TIAM2: variants seen among roughly 807,000 people sequenced by gnomAD.
TIAM2 encodes rho guanine nucleotide exchange factor TIAM2.
Under a neutral mutation model 152.9 loss-of-function variants are expected in TIAM2, and 80 were observed. That is an observed-to-expected ratio of 0.52 (90% CI 0.44 to 0.63). The LOEUF (loss-of-function observed/expected upper bound fraction) is 0.63, where lower values mean the gene tolerates loss of function less well. Among genes scored for constraint, TIAM2 ranks in the 30% least tolerant of loss-of-function variants. The probability of loss-of-function intolerance (pLI) is 0.00; values close to 1 mark genes in which losing one functional copy is unlikely to be tolerated. For missense variants in TIAM2, 1,965 were observed against 2,120.1 expected, an observed-to-expected ratio of 0.93 and a Z score of 1.44; for synonymous variants, 804 against 838.0, an observed-to-expected ratio of 0.96 and a Z score of 0.70.
chr6:154,997,568 C>T (rs1335517707), intron 1 of TIAM2, among the ~76,000 whole-genome samples: 1 of 149,780 alleles, frequency 6.7e-6, no homozygotes, highest in Non-Finnish European at 1.5e-5. Context: ...ATCACTTCAA[C>T]TGATGTAATA....
intron 2 of TIAM2, among the ~76,000 whole-genome samples, chr6:155,104,748 C>G (rs1778643294): frequency 1.6e-5 from 2 of 123,762 alleles, no homozygotes; most frequent in Admixed American, 8.7e-5. Flanking sequence ...CAGAGAGAGA[C>G]TCTGTCTCAA....
intron 1 of TIAM2, among the ~76,000 whole-genome samples, chr6:155,021,572 T>G (rs1056362266): frequency 4.6e-5 from 7 of 152,150 alleles, no homozygotes; most frequent in Non-Finnish European, 1.0e-4. Context: ...AGAATTCTAT[T>G]TTTAATTCTT....
rs1423646647 is a variant in TIAM2 at position 155,213,557 on chromosome 6, C to T, written c.3168+2250C>T. On this transcript the variant is annotated intron_variant, in intron 15 of 26. Transcript: ENST00000682666. The surrounding 1 kb of genome is among the most constrained non-coding windows in gnomAD (Gnocchi z 4.2). Reference sequence around the variant, plus strand: ...CCATGAGCAGACCCAGAAAAAGCTCCATAAGTTCCCACTCTGGTCTGTGGG... The same window carrying T: ...CCATGAGCAGACCCAGAAAAAGCTCTATAAGTTCCCACTCTGGTCTGTGGG... 1.3e-5 allele frequency among the ~76,000 whole-genome samples: 2 copies of T among 152,186 alleles called. No homozygotes were observed. Among genetic ancestry groups the T allele is most frequent in the Non-Finnish European group, 2.9e-5 (2 of 68,026 alleles).
intron 15 of TIAM2, among the ~76,000 whole-genome samples, chr6:155,231,909 T>C (rs1223606973): frequency 6.6e-6 from 1 of 152,162 alleles, no homozygotes; most frequent in African/African-American, 2.4e-5. Context: ...ACTGAAACCC[T>C]GTCTCTACTA....
At chr6:155,113,237 C>T (rs538769405) in intron 2 of TIAM2, among the ~76,000 whole-genome samples, 3 of 152,164 alleles carry the variant, frequency 2.0e-5, no homozygotes, top group East Asian at 3.9e-4. Context: ...TTCTGTTGCC[C>T]CTGCCCACGG....
In TIAM2 at chr6:155,211,015, C is replaced by T. The variant is rs530961439; in HGVS notation, c.3065-189C>T. Among the ~76,000 whole-genome samples, 4 of 152,304 alleles carry T rather than the reference C, an allele frequency of 2.6e-5. No homozygotes were observed. The East Asian group carries it at 7.7e-4, about 29-fold the overall frequency. On this transcript the variant is annotated intron_variant, in intron 14 of 26. Transcript: ENST00000682666. Reference sequence around the variant, plus strand: ...AGGCAGATGTTGCCTTTTCAATTAGCAAGACCCTAGATCTGTTTCAGAAGC... The same window carrying T: ...AGGCAGATGTTGCCTTTTCAATTAGTAAGACCCTAGATCTGTTTCAGAAGC...
chr6:155,006,882 G>T (rs1386477121), intron 1 of TIAM2, among the ~76,000 whole-genome samples: 1 of 151,980 alleles, frequency 6.6e-6, no homozygotes, highest in African/African-American at 2.4e-5. Context: ...GTAGAGATGA[G>T]GTTTCACCAT....
At chr6:155,045,247 A>G (rs1777149053) in intron 1 of TIAM2, among the ~76,000 whole-genome samples, 1 of 151,800 alleles carries the variant, frequency 6.6e-6, no homozygotes, top group Admixed American at 6.6e-5. Context: ...TAGTTTTAGT[A>G]GAGATGGGGT....
At chr6:155,192,639 CAA>C (rs74340822) in intron 14 of TIAM2, among the ~76,000 whole-genome samples, 61,217 of 144,196 alleles carry the variant, frequency 0.42, 12,485 homozygotes, top group African/African-American at 0.46. Flanking sequence ...CTCCTCAAAC[CAA>C]AAAAAAAAAA....
chr6:155,081,448 A>G (rs1254392684), intron 1 of TIAM2, among the ~76,000 whole-genome samples: 1 of 150,728 alleles, frequency 6.6e-6, no homozygotes, highest in East Asian at 1.9e-4. Context: ...ATAACATGCC[A>G]CTTTTCAGAA....
At chr6:155,087,873 A>G (rs1278522965) in intron 1 of TIAM2, among the ~76,000 whole-genome samples, 1 of 105,058 alleles carries the variant, frequency 9.5e-6, no homozygotes, top group Admixed American at 1.1e-4. Flanking sequence ...TCTTGACCAG[A>G]TATAACAAAT....
intron 1 of TIAM2, among the ~76,000 whole-genome samples, chr6:155,087,590 A>G (rs1336639250): frequency 6.6e-6 from 1 of 152,032 alleles, no homozygotes; most frequent in Non-Finnish European, 1.5e-5. Context: ...CTCTACTACA[A>G]ATACAAAAAT....
intron 1 of TIAM2, among the ~76,000 whole-genome samples, chr6:155,070,979 C>T: frequency 6.6e-6 from 1 of 152,074 alleles, no homozygotes; most frequent in East Asian, 1.9e-4. Flanking sequence ...CGAGACCAGC[C>T]TGGGCAACAT....
intron 1 of TIAM2, among the ~76,000 whole-genome samples, chr6:155,042,188 A>ACACCACCGCAGACC (rs1425282259): frequency 6.6e-6 from 1 of 151,660 alleles, no homozygotes; most frequent in Admixed American, 6.6e-5. Flanking sequence ...TCATTCCGCT[A>ACACCACCGCAGACC]CACCACCGCA....
At chr6:155,010,554 C>G (rs901818470) in intron 1 of TIAM2, among the ~76,000 whole-genome samples, 10 of 152,182 alleles carry the variant, frequency 6.6e-5, no homozygotes, top group Admixed American at 6.5e-4. Context: ...CTCCTGGGTT[C>G]AACCCATTCT....
rs138836174 is a variant in TIAM2 at position 155,240,682 on chromosome 6, T to C, written c.3321T>C (p.Leu1107=). 1.2e-6 allele frequency: 2 copies of C among 1,613,288 alleles called. No homozygotes were observed. The highest frequency in any genetic ancestry group is 1.7e-6 in the Non-Finnish European group (2 of 1,179,920). Residue 1107 remains leucine, a synonymous_variant, in exon 16 of 27, where the codon CTT becomes CTC. Transcript: ENST00000682666. The part of the protein sequence containing the change: ...ADRLRKVIQE[L]VDTEKSYVKD... ...GCCTCCGCAAAGTCATCCAGGAGCT[T>C]GTGGACACAGAGAAGTCCTACGTGA...
intron 1 of TIAM2, among the ~76,000 whole-genome samples, chr6:155,073,612 G>A (rs1377559558): frequency 6.6e-6 from 1 of 151,860 alleles, no homozygotes; most frequent in Non-Finnish European, 1.5e-5. Context: ...TGCCTAACCT[G>A]GACTTACAGA....
At chr6:155,191,234 C>T (rs542272290) in intron 14 of TIAM2, among the ~76,000 whole-genome samples, 62 of 152,318 alleles carry the variant, frequency 4.1e-4, no homozygotes, top group African/African-American at 1.4e-3. Context: ...CTCTCCTACT[C>T]ACTAGCTGTG....
intron 1 of TIAM2, among the ~76,000 whole-genome samples, chr6:154,998,601 G>C (rs1562508733): frequency 1.3e-5 from 2 of 152,162 alleles, no homozygotes; most frequent in Non-Finnish European, 1.5e-5. Flanking sequence ...TATCATGCAA[G>C]CATTTATAAG....
Sources: gnomAD v4.1 joint callset for allele counts (sites outside exome capture counted in the v4.1 genomes callset) on GRCh38, gnomAD v4.1.1 for gene constraint, Gnocchi (gnomAD v3.1) non-coding constraint, MANE v1.5 for transcripts, NCBI Gene and HGNC (gene_info 2026-07-23, HGNC 2026-07-21) for gene names.